Variants in RBFOX2 observed in about 807,000 individuals in gnomAD.
RBFOX2 encodes RNA binding protein fox-1 homolog 2.
In RBFOX2, 10 loss-of-function variants were observed where a neutral mutation model predicts 49.1. The ratio of observed to expected loss-of-function variants is 0.20; its 90% CI spans 0.13 to 0.35. RBFOX2 has a LOEUF of 0.35. RBFOX2 is among the 10% of genes least tolerant of loss of function. The probability of loss-of-function intolerance (pLI) is 1.00; values close to 1 mark genes in which losing one functional copy is unlikely to be tolerated. For synonymous variants in RBFOX2, 183 were observed against 187.4 expected (o/e 0.98, Z 0.19); for missense variants, 323 against 486.9 (o/e 0.66, Z 3.17).
At chr22:35,996,269 G>A (rs997372896) in intron 1 of RBFOX2, 8 of 151,884 alleles carry the variant, frequency 5.3e-5, no homozygotes, top group Non-Finnish European at 8.8e-5. Context: ...TGTCTCCCAC[G>A]GTACAGGATA....
intron 1 of RBFOX2, among the ~76,000 whole-genome samples, chr22:35,877,941 T>G (rs544264091): frequency 6.6e-6 from 1 of 151,610 alleles, no homozygotes; most frequent in African/African-American, 2.4e-5. Flanking sequence ...CTGAAGATAA[T>G]AGCAGCGAAT....
intron 1 of RBFOX2, among the ~76,000 whole-genome samples, chr22:36,020,510 G>T (rs2059202904): frequency 1.3e-5 from 2 of 152,104 alleles, no homozygotes; most frequent in African/African-American, 4.8e-5. Flanking sequence ...CTGACAAAGG[G>T]CTAATATCCA....
intron 1 of RBFOX2, among the ~76,000 whole-genome samples, chr22:35,980,818 T>C (rs1242721999): frequency 2.0e-5 from 3 of 152,112 alleles, no homozygotes; most frequent in Non-Finnish European, 4.4e-5. Context: ...AAGGACATCT[T>C]CCAGACTGGA....
chr22:35,761,586 C>T, intron 6 of RBFOX2, 118 bp from the exon 8 acceptor site: 1 of 993,676 alleles, frequency 1.0e-6, no homozygotes, highest in Non-Finnish European at 1.6e-6. Flanking sequence ...ATCAACTTCT[C>T]TTTGGAATTC....
chr22:36,002,972 A>G (rs1302251542), intron 1 of RBFOX2, among the ~76,000 whole-genome samples: 2 of 152,198 alleles, frequency 1.3e-5, no homozygotes, highest in Non-Finnish European at 2.9e-5. Context: ...AAGTTTTTCC[A>G]ATCGCTAACT....
intron 1 of RBFOX2, chr22:35,995,653 T>A: frequency 6.4e-6 from 1 of 156,264 alleles, no homozygotes; most frequent in African/African-American, 2.4e-5. Context: ...CTTCACACTC[T>A]CTCTCTCTCC....
intron 1 of RBFOX2, among the ~76,000 whole-genome samples, chr22:35,948,712 A>G (rs1454949284): frequency 6.6e-6 from 1 of 152,156 alleles, no homozygotes; most frequent in East Asian, 1.9e-4. Flanking sequence ...TTAAAATTTT[A>G]AAAATAAAGT....
At chr22:36,010,849 C>T (rs2058795884) in intron 1 of RBFOX2, among the ~76,000 whole-genome samples, 1 of 152,016 alleles carries the variant, frequency 6.6e-6, no homozygotes, top group South Asian at 2.1e-4. Context: ...ACGGAGAGGC[C>T]ATACCCTAGG....
chr22:35,878,039 T>TACTAC (rs1556297679), intron 1 of RBFOX2, among the ~76,000 whole-genome samples: 380 of 141,248 alleles, frequency 2.7e-3, no homozygotes, highest in African/African-American at 8.5e-3. Flanking sequence ...CTACTACTAC[T>TACTAC]ACACACACAC....
chr22:35,795,498 T>C (rs1446479009), intron 2 of RBFOX2, among the ~76,000 whole-genome samples: 1 of 152,104 alleles, frequency 6.6e-6, no homozygotes, highest in Non-Finnish European at 1.5e-5. Context: ...GGCTACGTTT[T>C]AGTGCATCAC....
chr22:35,995,463 T>C (rs1311273162), intron 1 of RBFOX2: 1 of 152,180 alleles, frequency 6.6e-6, no homozygotes, highest in East Asian at 1.9e-4. Flanking sequence ...GAGACAGTGA[T>C]CCAACTGATA....
At chr22:35,973,325 C>T (rs953098091) in intron 1 of RBFOX2, among the ~76,000 whole-genome samples, 1 of 152,170 alleles carries the variant, frequency 6.6e-6, no homozygotes, top group Admixed American at 6.5e-5. Context: ...GCGCTATAAA[C>T]TGTCTAAACT....
intron 4 of RBFOX2, 62 bp from the exon 6 acceptor site, chr22:35,768,411 T>A: frequency 7.2e-7 from 1 of 1,390,910 alleles, no homozygotes; most frequent in Non-Finnish European, 1.0e-6. Flanking sequence ...ACTGATCTCT[T>A]GGTAAATAGA....
chr22:35,840,169 T>C, intron 1 of RBFOX2: 3 of 1,612,664 alleles, frequency 1.9e-6, no homozygotes, highest in Non-Finnish European at 2.5e-6. Context: ...AAAAGAAACA[T>C]GCCGAGGAAG....
intron 1 of RBFOX2, among the ~76,000 whole-genome samples, chr22:35,912,786 T>A (rs2049974562): frequency 6.6e-6 from 1 of 152,116 alleles, no homozygotes; most frequent in Non-Finnish European, 1.5e-5. Flanking sequence ...ACTCTCAAGA[T>A]CATATCCCAG....
intron 11 of RBFOX2, 76 bp downstream of exon 13, chr22:35,745,847 C>T (rs1474949966): frequency 9.0e-6 from 13 of 1,439,774 alleles, no homozygotes; most frequent in Non-Finnish European, 1.2e-5. Flanking sequence ...TTACTACCTC[C>T]CTAGATCTTC....
intron 1 of RBFOX2, among the ~76,000 whole-genome samples, chr22:36,013,750 G>A (rs1168259966): frequency 6.6e-6 from 1 of 151,846 alleles, no homozygotes; most frequent in Non-Finnish European, 1.5e-5. Flanking sequence ...AAAGCAAGGA[G>A]CAAAAAATAC....
chr22:36,002,065 A>G (rs1279523163), intron 1 of RBFOX2, among the ~76,000 whole-genome samples: 1 of 152,196 alleles, frequency 6.6e-6, no homozygotes, highest in Admixed American at 6.5e-5. Context: ...ACTCTGCCTC[A>G]AAAACAGAAG....
Position 35,745,992 on chromosome 22 carries a change from A to G in RBFOX2, c.980T>C (p.Met327Thr), listed in dbSNP as rs757386201. The change falls in exon 11 of 12, where the codon ATG (methionine) becomes ACG (threonine). Residue 327 changes from methionine (M) to threonine (T), a missense_variant. This residue lies in a region of RBFOX2 where 200 missense variants were observed against 370.0 expected (regional missense o/e 0.54). Transcript: ENST00000405409. ...AGGGGTCGGCTGTGTACACCCTGCC[A>G]TAACTGGAAAGAAGAAACACAATCA... 14 of 1,612,776 alleles carry G rather than the reference A, an allele frequency of 8.7e-6. No homozygotes were observed. The East Asian group carries it at 1.8e-4, about 21-fold the overall frequency.
Sources: allele counts gnomAD v4.1 joint callset (sites outside exome capture counted in the v4.1 genomes callset), GRCh38; gene constraint gnomAD v4.1.1; regional missense constraint gnomAD v4.1.1; transcripts MANE v1.5; gene names NCBI Gene and HGNC (gene_info 2026-07-23, HGNC 2026-07-21).